The following CPB1 variants were observed in gnomAD, a reference collection of about 807,000 sequenced individuals.
CPB1 encodes the protein carboxypeptidase B.
In CPB1, 53 loss-of-function variants were observed where a neutral mutation model predicts 51.4. The observed-to-expected ratio is 1.03, with a 90% confidence interval of 0.83 to 1.30. CPB1 has a LOEUF of 1.30. Ranked by LOEUF, CPB1 falls within the 50% of genes most tolerant of loss-of-function variation. The pLI is 0.00. For missense variants in CPB1, 494 were observed against 516.2 expected, an observed-to-expected ratio of 0.96 and a Z score of 0.42; for synonymous variants, 189 against 186.9, an observed-to-expected ratio of 1.01 and a Z score of -0.09.
intron 3 of CPB1, among the ~76,000 whole-genome samples, chr3:148,839,486 T>C (rs1030941166): frequency 1.3e-5 from 2 of 152,212 alleles, no homozygotes; most frequent in Admixed American, 6.5e-5. Flanking sequence ...TATTTCTCCA[T>C]GGAATAACTT....
chr3:148,856,366 G>A (rs549097656), intron 9 of CPB1: 1 of 152,104 alleles, frequency 6.6e-6, no homozygotes, highest in African/African-American at 2.4e-5. Context: ...TTACGGCCAC[G>A]CCCTCATCAG....
intron 10 of CPB1, 22 bp downstream of exon 10, chr3:148,857,563 G>A: frequency 3.2e-6 from 5 of 1,586,956 alleles, no homozygotes; most frequent in Non-Finnish European, 4.3e-6. Flanking sequence ...CTTCAGAACT[G>A]TGCAAAGAAC....
intron 10 of CPB1, 22 bp downstream of exon 10, chr3:148,857,563 G>T: frequency 8.8e-6 from 14 of 1,586,956 alleles, no homozygotes; most frequent in Non-Finnish European, 1.2e-5. Context: ...CTTCAGAACT[G>T]TGCAAAGAAC....
chr3:148,852,282 C>A (rs1002385296), intron 9 of CPB1, among the ~76,000 whole-genome samples: 2 of 152,058 alleles, frequency 1.3e-5, no homozygotes, highest in Admixed American at 6.6e-5. Flanking sequence ...TTTTGCCCCC[C>A]ACTCCCACTC....
intron 3 of CPB1, among the ~76,000 whole-genome samples, chr3:148,836,372 G>T (rs540004123): frequency 6.6e-6 from 1 of 152,178 alleles, no homozygotes; most frequent in East Asian, 1.9e-4. Context: ...TACTGAAAAG[G>T]ACAGCTAAAA....
At chr3:148,846,657 A>G (rs1052436814) in intron 9 of CPB1, among the ~76,000 whole-genome samples, 1 of 150,148 alleles carries the variant, frequency 6.7e-6, no homozygotes. Context: ...TTGATAGCTA[A>G]TAGTTGGATG....
chr3:148,841,099 A>G (rs1713062367), intron 5 of CPB1, 124 bp downstream of exon 5: 2 of 702,244 alleles, frequency 2.8e-6, no homozygotes, highest in African/African-American at 3.6e-5. Flanking sequence ...TCCTGCCTAC[A>G]TCCCCGAGGG....
At chr3:148,831,927 G>C (rs938380208) in intron 2 of CPB1, among the ~76,000 whole-genome samples, 9 of 152,002 alleles carry the variant, frequency 5.9e-5, no homozygotes, top group African/African-American at 2.2e-4. Context: ...AAACAGCTGT[G>C]AGGCTATAGC....
intron 5 of CPB1, 73 bp from the exon 6 acceptor site, chr3:148,841,750 A>G: frequency 8.6e-7 from 1 of 1,165,604 alleles, no homozygotes. Flanking sequence ...TCAAGCCCAG[A>G]TGGGTAGTGG....
intron 3 of CPB1, among the ~76,000 whole-genome samples, chr3:148,839,333 G>T (rs930960143): frequency 4.6e-5 from 7 of 152,094 alleles, no homozygotes; most frequent in Non-Finnish European, 1.5e-5. Context: ...TTTTATCCCA[G>T]TGAGACTTGT....
At chr3:148,844,164 T>C (rs1480899044) in intron 6 of CPB1, among the ~76,000 whole-genome samples, 1 of 152,210 alleles carries the variant, frequency 6.6e-6, no homozygotes, top group Non-Finnish European at 1.5e-5. Flanking sequence ...GTAGTTGTTA[T>C]CTTAAAAGAA....
chr3:148,842,777 T>TTTTCCTA (rs1256938457), intron 6 of CPB1, among the ~76,000 whole-genome samples: 85 of 152,236 alleles, frequency 5.6e-4, no homozygotes, highest in African/African-American at 1.9e-3. Flanking sequence ...AAACTTAGAG[T>TTTTCCTA]GGATAAACCT....
At chr3:148,830,435 C>A (rs1050250201) in intron 2 of CPB1, among the ~76,000 whole-genome samples, 3 of 152,152 alleles carry the variant, frequency 2.0e-5, no homozygotes, top group African/African-American at 7.2e-5. Flanking sequence ...TGGGTCTCAA[C>A]TTCCTCATTT....
chr3:148,859,647 AT>A (rs1197908345), intron 10 of CPB1, among the ~76,000 whole-genome samples, 167 bp from the exon 11 acceptor site: 2 of 152,198 alleles, frequency 1.3e-5, no homozygotes, highest in Admixed American at 1.3e-4. Context: ...GGTTGGAGTA[AT>A]TTTTTAAAAC....
chr3:148,840,989 A>C lies in CPB1; in HGVS notation c.474+14A>C. The C allele has an allele frequency of 6.2e-7, 1 of 1,605,604 alleles. No homozygotes were observed. The highest frequency in any genetic ancestry group is 1.3e-5 in the African/African-American group (1 of 74,804). ...TACCTCCTGAAGGTAATCATTTTTAACCATGACCTTGCCATGTCTGAGGGC... is the reference window on the plus strand; with the variant it reads ...TACCTCCTGAAGGTAATCATTTTTACCCATGACCTTGCCATGTCTGAGGGC... On this transcript the variant is annotated intron_variant, in intron 5 of 10. Transcript: ENST00000282957.
At chr3:148,841,777 G>A in intron 5 of CPB1, 46 bp from the exon 6 acceptor site, 4 of 1,523,414 alleles carry the variant, frequency 2.6e-6, no homozygotes, top group East Asian at 4.5e-5. Context: ...ACCCCTGAAT[G>A]TCCTATGATG....
At chr3:148,850,200 G>C (rs1333679160) in intron 9 of CPB1, among the ~76,000 whole-genome samples, 7 of 152,228 alleles carry the variant, frequency 4.6e-5, no homozygotes, top group Non-Finnish European at 1.0e-4. Context: ...ATTATTAAAT[G>C]TGAACAAAAG....
intron 2 of CPB1, 22 bp downstream of exon 2, chr3:148,828,099 C>T (rs1712625263): frequency 1.3e-6 from 2 of 1,578,796 alleles, no homozygotes; most frequent in African/African-American, 2.7e-5. Context: ...TTTTGATTTA[C>T]TTCACATCTA....
At chr3:148,858,432 C>T (rs1189958404) in intron 10 of CPB1, among the ~76,000 whole-genome samples, 2 of 151,864 alleles carry the variant, frequency 1.3e-5, no homozygotes, top group African/African-American at 4.8e-5. Context: ...ATTAGCCAGG[C>T]GTGGTGGCGG....
Sources: allele counts gnomAD v4.1 joint callset (sites outside exome capture counted in the v4.1 genomes callset), GRCh38; gene constraint gnomAD v4.1.1; transcripts MANE v1.5; gene names NCBI Gene and HGNC (gene_info 2026-07-23, HGNC 2026-07-21).